Variants in VSTM1 observed in about 807,000 individuals in gnomAD.
VSTM1 encodes the protein V-set and transmembrane domain containing 1.
In VSTM1, 27 loss-of-function variants were observed where a neutral mutation model predicts 33.1. That is an observed-to-expected ratio of 0.82 (90% confidence interval 0.60 to 1.12). The LOEUF is 1.12. Ranked by LOEUF, VSTM1 falls within the 50% of genes most tolerant of loss-of-function variation. VSTM1 has a pLI of 0.00. For missense variants in VSTM1, 304 were observed against 288.9 expected (o/e 1.05, Z -0.38); for synonymous variants, 115 against 110.3 (o/e 1.04, Z -0.27).
At chr19:54,045,988 T>C (rs1283556458) in intron 4 of VSTM1, among the ~76,000 whole-genome samples, 1 of 152,160 alleles carries the variant, frequency 6.6e-6, no homozygotes, top group Non-Finnish European at 1.5e-5. Context: ...TTACCTATCG[T>C]CTATTTATCT....
chr19:54,060,906 G>A (rs2071359793), intron 1 of VSTM1, among the ~76,000 whole-genome samples: 1 of 151,898 alleles, frequency 6.6e-6, no homozygotes, highest in African/African-American at 2.4e-5. Context: ...GCCCAGGCTG[G>A]TCTCGAACAC....
chr19:54,059,167 T>C (rs1158141055), intron 1 of VSTM1, among the ~76,000 whole-genome samples: 1 of 150,966 alleles, frequency 6.6e-6, no homozygotes, highest in East Asian at 2.0e-4. Flanking sequence ...TTCAAGCAAT[T>C]TTCCTGCCTC....
intron 4 of VSTM1, among the ~76,000 whole-genome samples, chr19:54,045,534 T>G (rs2070532425): frequency 1.3e-5 from 2 of 152,164 alleles, no homozygotes; most frequent in African/African-American, 2.4e-5. Context: ...TAATTATCAC[T>G]TATCTATCTA....
In VSTM1 at chr19:54,055,457, G is replaced by C. The variant is rs111941676; in HGVS notation, c.355+2849C>G. The C allele has an allele frequency of 9.0e-4, 128 of 142,412 alleles. 12 individuals are homozygous for C. Among genetic ancestry groups the C allele is most frequent in the African/African-American group, 2.9e-3 (113 of 38,552 alleles). The allele number at this position is 142,412 out of a possible 1,614,324, so 8.8% of individuals were successfully genotyped here. ...TACCTGTCGTGGAGACAGGAACATAGAAAATGCTGGATACATGTCAAATGC... is the reference window on the plus strand; with the variant it reads ...TACCTGTCGTGGAGACAGGAACATACAAAATGCTGGATACATGTCAAATGC... On this transcript the variant is annotated intron_variant, in intron 3 of 8. Coordinates refer to ENST00000338372, the MANE Select transcript of VSTM1 (RefSeq NM_198481.4).
At chr19:54,051,004 A>T (rs1237289661) in intron 4 of VSTM1, among the ~76,000 whole-genome samples, 2 of 146,002 alleles carry the variant, frequency 1.4e-5, no homozygotes, top group African/African-American at 5.1e-5. Context: ...TTCTCAAAAA[A>T]ATAAATAGGC....
rs1600164141 is a variant in VSTM1 at position 54,059,827 on chromosome 19, G to T, written c.35-1095C>A. ...ATAATGCAAAGGTTATTTTATCGTG[G>T]AGTGAGAGTGGTGGGTTTTTTTTTT... On this transcript the variant is annotated intron_variant, in intron 1 of 8. Transcript: ENST00000338372. Among the ~76,000 whole-genome samples the T allele has an allele frequency of 1.3e-5, 2 of 149,272 alleles. 1 individual carries two copies.
rs373962218 is a variant in VSTM1 at position 54,057,376 on chromosome 19, A to G, written c.355+930T>C. 2.1e-5 allele frequency among the ~76,000 whole-genome samples: 2 copies of G among 96,808 alleles called. 1 individual carries two copies. Among genetic ancestry groups the G allele is most frequent in the Non-Finnish European group, 4.7e-5 (2 of 43,004 alleles). The allele number at this position is 96,808 out of a possible 152,430, so 63.5% of individuals were successfully genotyped here. The stretch of plus-strand genomic sequence containing the variant: ...CAAGTAATTTAAAAATTAGCCAGGC[A>G]TGGTGGTGCTTGCCTGTACTCCCAG... On this transcript the variant is annotated intron_variant, in intron 3 of 8. Coordinates refer to ENST00000338372, the MANE Select transcript of VSTM1 (RefSeq NM_198481.4).
intron 4 of VSTM1, among the ~76,000 whole-genome samples, chr19:54,042,839 C>CAT (rs57596611): frequency 0.28 from 19,509 of 70,604 alleles, 2,428 homozygotes; most frequent in East Asian, 0.54. Context: ...TATATATATA[C>CAT]ATATATATAT....
At chr19:54,041,199 G>C (rs896465632) in intron 8 of VSTM1, 119 bp from the exon 9 acceptor site, 2 of 1,056,066 alleles carry the variant, frequency 1.9e-6, no homozygotes, top group Non-Finnish European at 2.6e-6. Context: ...CCAGGTCCTC[G>C]GTCACACCAG....
In VSTM1 at chr19:54,054,009, T is replaced by C. The variant is rs569660020; in HGVS notation, c.356-2561A>G. Among the ~76,000 whole-genome samples, 15 of 141,860 alleles carry C rather than the reference T, an allele frequency of 1.1e-4. 2 individuals are homozygous for C. Among genetic ancestry groups the C allele is most frequent in the African/African-American group, 2.9e-4 (11 of 38,174 alleles). The allele number at this position is 141,860 out of a possible 152,430, so 93.1% of individuals were successfully genotyped here. ...GGGCAGCTATTTTTGTGCCAGGTAT[T>C]TTGCATTAATTTTTTTTTGTAATGG... On this transcript the variant is annotated intron_variant, in intron 3 of 8. Coordinates refer to ENST00000338372, the MANE Select transcript of VSTM1 (RefSeq NM_198481.4).
At chr19:54,060,471 C>A (rs2071341184) in intron 1 of VSTM1, among the ~76,000 whole-genome samples, 1 of 152,112 alleles carries the variant, frequency 6.6e-6, no homozygotes, top group Non-Finnish European at 1.5e-5. Flanking sequence ...TGACCCCCCA[C>A]CAAGCTTCAC....
intron 1 of VSTM1, among the ~76,000 whole-genome samples, chr19:54,061,858 T>G (rs589157): frequency 0.37 from 55,962 of 151,352 alleles, 11,201 homozygotes; most frequent in South Asian, 0.44. Flanking sequence ...GAGTGATGCA[T>G]CTACAAGTTA....
intron 3 of VSTM1, among the ~76,000 whole-genome samples, chr19:54,053,648 G>C (rs920583220): frequency 5.7e-5 from 8 of 141,524 alleles, no homozygotes; most frequent in African/African-American, 1.8e-4. Context: ...CACAGCCCTT[G>C]TTGACACCTT....
chr19:54,055,158 G>A (rs4077076), intron 3 of VSTM1, among the ~76,000 whole-genome samples: 40,696 of 138,180 alleles, frequency 0.29, 11,061 homozygotes, highest in Non-Finnish European at 0.38. Context: ...TACCTGCACC[G>A]TGCCTCCCAT....
Position 54,042,169 on chromosome 19 carries a change from C to T in VSTM1, c.515G>A (p.Arg172Lys), listed in dbSNP as rs756426393. 1.9e-6 allele frequency: 3 copies of T among 1,614,016 alleles called. No individual in the cohort carries two copies. Among genetic ancestry groups the T allele is most frequent in the Admixed American group, 3.3e-5 (2 of 59,998 alleles). ...HSSSSEESTK[R>K]TSHSKLPEQE... ...AGCATGAGCTATGCCAAGCATCTAC[C>T]TCTTGGTGGATTCCTCAGATGATGA... The change falls in exon 6 of 9, where the codon AGA becomes AAA. Residue 172 changes from arginine (R) to lysine (K), a missense_variant and splice_region_variant. By Grantham distance (26) the Arg-to-Lys change is conservative. Transcript: ENST00000338372.
chr19:54,060,376 G>A (rs551403998), intron 1 of VSTM1, among the ~76,000 whole-genome samples: 162 of 152,246 alleles, frequency 1.1e-3, no homozygotes, highest in African/African-American at 3.8e-3. Context: ...GTGAAGTTAC[G>A]TAGAATTTAG....
chr19:54,049,918 T>C (rs1378704024), intron 4 of VSTM1, among the ~76,000 whole-genome samples: 3 of 152,046 alleles, frequency 2.0e-5, no homozygotes, highest in Non-Finnish European at 4.4e-5. Flanking sequence ...CCAATTTATA[T>C]TCTGCATTTG....
chr19:54,057,105 C>T (rs940101441), intron 3 of VSTM1, among the ~76,000 whole-genome samples: 3 of 140,898 alleles, frequency 2.1e-5, no homozygotes, highest in East Asian at 4.1e-4. Flanking sequence ...ATCTGCCCAC[C>T]TCTGCCTCCC....
chr19:54,056,204 CTTTT>C (rs2071082336), intron 3 of VSTM1, among the ~76,000 whole-genome samples: 1 of 86,478 alleles, frequency 1.2e-5, no homozygotes, highest in Admixed American at 1.3e-4. Context: ...TCTTTCTTTT[CTTTT>C]CTTTTCTTTT....
Sources: gnomAD v4.1 joint callset for allele counts (sites outside exome capture counted in the v4.1 genomes callset) on GRCh38, gnomAD v4.1.1 for gene constraint, MANE v1.5 for transcripts, NCBI Gene and HGNC (gene_info 2026-07-23, HGNC 2026-07-21) for gene names.